Variants in PDZRN3 observed in about 807,000 individuals in gnomAD.
PDZRN3 encodes the protein E3 ubiquitin-protein ligase PDZRN3.
A neutral mutation model predicts 85.7 loss-of-function variants in PDZRN3; 38 were observed. The ratio of observed to expected loss-of-function variants is 0.44; its 90% CI spans 0.34 to 0.58. The LOEUF is 0.58. Ranked by LOEUF, PDZRN3 falls within the 20% of genes least tolerant of loss-of-function variation. The probability of loss-of-function intolerance (pLI) is 0.01; values close to 1 mark genes in which losing one functional copy is unlikely to be tolerated. For missense variants in PDZRN3, 1,629 were observed against 1,506.4 expected, an observed-to-expected ratio of 1.08 and a Z score of -1.35; for synonymous variants, 759 against 638.0, an observed-to-expected ratio of 1.19 and a Z score of -2.86.
At chr3:73,598,394 C>T (rs1397755053) in intron 3 of PDZRN3, among the ~76,000 whole-genome samples, 2 of 152,162 alleles carry the variant, frequency 1.3e-5, no homozygotes, top group Non-Finnish European at 2.9e-5. Flanking sequence ...AGTTTTCTAA[C>T]TGCAATAAGT....
chr3:73,421,450 G>C (rs1702201161), intron 3 of PDZRN3, among the ~76,000 whole-genome samples: 1 of 152,138 alleles, frequency 6.6e-6, no homozygotes, highest in African/African-American at 2.4e-5. Context: ...ATTTTAACCT[G>C]TCCCTCAGCA....
chr3:73,624,701 A>G lies in PDZRN3; in HGVS notation c.125T>C (p.Val42Ala). 2 of 1,526,966 alleles carry G rather than the reference A, an allele frequency of 1.3e-6. No homozygotes were observed. 94.6% of individuals were successfully genotyped at this position (1,526,966 alleles called of 1,614,324 possible). ...PCGHVFCAGC[V>A]LPWVVQEGSC... ...GCCCTCCTGCACCACCCAGGGCAGC[A>G]CGCAGCCGGCGCAGAAGACGTGGCC... Residue 42 changes from valine (V) to alanine (A), a missense_variant, in exon 1 of 10, where the codon GTG (valine) becomes GCG (alanine). By Grantham distance (64) the Val-to-Ala change is moderately conservative. Coordinates refer to ENST00000263666, the MANE Select transcript of PDZRN3 (RefSeq NM_015009.3).
chr3:73,608,558 C>T, intron 2 of PDZRN3, 40 bp downstream of exon 2: 7 of 1,368,374 alleles, frequency 5.1e-6, no homozygotes, highest in Admixed American at 1.7e-5. Context: ...TTTCCAGCTA[C>T]ACCAGGAAAA....
chr3:73,387,000 C>G (rs1311387414), intron 8 of PDZRN3, among the ~76,000 whole-genome samples: 1 of 152,178 alleles, frequency 6.6e-6, no homozygotes, highest in Non-Finnish European at 1.5e-5. Flanking sequence ...GCAGTTTTCC[C>G]CATACTGTTC....
At chr3:73,494,425 T>C (rs1703830175) in intron 3 of PDZRN3, among the ~76,000 whole-genome samples, 1 of 152,214 alleles carries the variant, frequency 6.6e-6, no homozygotes, top group Admixed American at 6.5e-5. Context: ...AGTCCTAACA[T>C]ATTTACATAA....
At chr3:73,599,745 A>G in intron 3 of PDZRN3, among the ~76,000 whole-genome samples, 1 of 152,336 alleles carries the variant, frequency 6.6e-6, no homozygotes, top group Admixed American at 6.5e-5. Flanking sequence ...CCTGTACGGC[A>G]AGGCCATTCA....
At chr3:73,454,558 C>T (rs1264620549) in intron 3 of PDZRN3, among the ~76,000 whole-genome samples, 1 of 152,122 alleles carries the variant, frequency 6.6e-6, no homozygotes, top group Non-Finnish European at 1.5e-5. Flanking sequence ...GTTTGCTTTG[C>T]CTGGGTTGTT....
At chr3:73,418,362 G>C (rs1702133634) in intron 3 of PDZRN3, among the ~76,000 whole-genome samples, 1 of 152,188 alleles carries the variant, frequency 6.6e-6, no homozygotes, top group South Asian at 2.1e-4. Context: ...TTCATGTATA[G>C]GTGAGTCCAT....
intron 5 of PDZRN3, among the ~76,000 whole-genome samples, chr3:73,394,948 T>C (rs1559654148): frequency 6.6e-6 from 1 of 152,224 alleles, no homozygotes; most frequent in South Asian, 2.1e-4. Context: ...AGTAAGGCAA[T>C]AGTAGCTGAA....
chr3:73,485,719 C>A (rs1362849788), intron 3 of PDZRN3, among the ~76,000 whole-genome samples: 1 of 152,202 alleles, frequency 6.6e-6, no homozygotes, highest in South Asian at 2.1e-4. Flanking sequence ...TCCAAGCACC[C>A]AAAGAAATGC....
intron 3 of PDZRN3, chr3:73,408,236 C>T (rs1701893756): frequency 2.8e-6 from 2 of 702,774 alleles, no homozygotes; most frequent in South Asian, 3.0e-5. Context: ...GGCAATTTAA[C>T]TGTTCTCAGT....
chr3:73,437,493 G>A (rs939341997), intron 3 of PDZRN3, among the ~76,000 whole-genome samples: 4 of 152,168 alleles, frequency 2.6e-5, no homozygotes, highest in African/African-American at 9.7e-5. Flanking sequence ...CCCCAGGGGT[G>A]CCCGGGCCTC....
chr3:73,396,068 CA>C, intron 5 of PDZRN3, among the ~76,000 whole-genome samples: 1 of 152,142 alleles, frequency 6.6e-6, no homozygotes, highest in South Asian at 2.1e-4. Flanking sequence ...ACTAAAAATA[CA>C]AAAATTAGCC....
At chr3:73,582,620 A>G (rs1236117289) in intron 3 of PDZRN3, among the ~76,000 whole-genome samples, 2 of 152,168 alleles carry the variant, frequency 1.3e-5, no homozygotes, top group African/African-American at 4.8e-5. Context: ...TGAGGCTCCA[A>G]CTATCCACTG....
intron 3 of PDZRN3, among the ~76,000 whole-genome samples, chr3:73,420,862 G>A (rs1247858256): frequency 3.3e-5 from 5 of 152,128 alleles, no homozygotes; most frequent in African/African-American, 1.2e-4. Flanking sequence ...GATATAAAAT[G>A]GCACACAGAG....
chr3:73,606,709 C>T (rs1702604315), intron 2 of PDZRN3, among the ~76,000 whole-genome samples: 1 of 152,146 alleles, frequency 6.6e-6, no homozygotes, highest in Admixed American at 6.5e-5. Context: ...TTAGTCTCAC[C>T]ATTTAAAATG....
intron 3 of PDZRN3, among the ~76,000 whole-genome samples, chr3:73,447,086 T>TA (rs1702765087): frequency 6.9e-6 from 1 of 145,674 alleles, no homozygotes; most frequent in African/African-American, 2.5e-5. Context: ...ATATATATAT[T>TA]AGATATATAT....
chr3:73,409,808 G>C (rs1701929604), intron 3 of PDZRN3, among the ~76,000 whole-genome samples: 1 of 152,124 alleles, frequency 6.6e-6, no homozygotes, highest in Non-Finnish European at 1.5e-5. Context: ...AGCAGTTCAG[G>C]ATATTTTAGA....
chr3:73,426,508 C>T (rs562236764), intron 3 of PDZRN3, among the ~76,000 whole-genome samples: 117 of 152,224 alleles, frequency 7.7e-4, no homozygotes, highest in Non-Finnish European at 1.4e-3. Flanking sequence ...AAAAAGTTCT[C>T]AAACAAAACA....
Sources: gnomAD v4.1 joint callset for allele counts (sites outside exome capture counted in the v4.1 genomes callset) on GRCh38, gnomAD v4.1.1 for gene constraint, MANE v1.5 for transcripts, NCBI Gene and HGNC (gene_info 2026-07-23, HGNC 2026-07-21) for gene names.